The following AKAP3 variants were observed in gnomAD, a reference collection of about 807,000 sequenced individuals.
AKAP3 encodes the protein A-kinase anchor protein 3.
Under a neutral mutation model 57.2 loss-of-function variants are expected in AKAP3, and 27 were observed. That is an observed-to-expected ratio of 0.47 (90% confidence interval 0.35 to 0.65). The LOEUF is 0.65. AKAP3 is among the 30% of genes least tolerant of loss of function. AKAP3 has a pLI of 0.01. For synonymous variants in AKAP3, 334 were observed against 392.3 expected, an observed-to-expected ratio of 0.85 and a Z score of 1.76; for missense variants, 959 against 1,040.0, an observed-to-expected ratio of 0.92 and a Z score of 1.07.
At chr12:4,635,966 A>G in intron 4 of AKAP3, 1 of 1,172,586 alleles carries the variant, frequency 8.5e-7, no homozygotes, top group South Asian at 1.3e-5. Flanking sequence ...ATATTTCACA[A>G]AGAAACAGCT....
At chr12:4,640,939 A>G (rs1196618835) in intron 3 of AKAP3, among the ~76,000 whole-genome samples, 4 of 152,160 alleles carry the variant, frequency 2.6e-5, no homozygotes, top group African/African-American at 9.7e-5. Flanking sequence ...CACATCAAGA[A>G]TTGAGAATTC....
intron 5 of AKAP3, among the ~76,000 whole-genome samples, chr12:4,620,017 G>A (rs1945327416): frequency 6.6e-6 from 1 of 152,016 alleles, no homozygotes; most frequent in South Asian, 2.1e-4. Flanking sequence ...ATGAAAACTG[G>A]GAAATGTAAA....
rs780291996 is a variant in AKAP3, at chr12:4,615,816, T to C, written c.2485A>G (p.Lys829Glu). The change falls in exon 6 of 6, where the codon AAG becomes GAG. Residue 829 changes from lysine to glutamate, a missense_variant. Lys to Glu is a moderately conservative substitution (Grantham distance 56). Transcript: ENST00000228850. ...EVLQSVLRYE[K>E]ERQLNEAVGN... Reference sequence around the variant, plus strand: ...ACCGCCTCATTCAGCTGGCGCTCCTTCTCATAGCGCAGCACCGACTGCAGA... The same window carrying C: ...ACCGCCTCATTCAGCTGGCGCTCCTCCTCATAGCGCAGCACCGACTGCAGA... 61 of 1,614,074 alleles carry C rather than the reference T, an allele frequency of 3.8e-5. No homozygotes were observed. Among genetic ancestry groups the C allele is most frequent in the Non-Finnish European group, 3.3e-5 (39 of 1,180,020 alleles).
intron 1 of AKAP3, among the ~76,000 whole-genome samples, chr12:4,646,046 G>C (rs1223053286): frequency 1.3e-5 from 2 of 151,972 alleles, no homozygotes; most frequent in Admixed American, 6.6e-5. Context: ...ATTATTTTTA[G>C]GATATTTTGC....
intron 1 of AKAP3, among the ~76,000 whole-genome samples, chr12:4,646,242 T>C (rs1945696623): frequency 6.6e-6 from 1 of 152,154 alleles, no homozygotes; most frequent in Admixed American, 6.5e-5. Context: ...TCAGCTACTC[T>C]GTAATTAATG....
At position 4,636,859 on chromosome 12, in the gene AKAP3, C is replaced by T. The variant is rs143647299; in HGVS notation, c.96+1242G>A. Among the ~76,000 whole-genome samples, 200 of 152,264 alleles carry T rather than the reference C, an allele frequency of 1.3e-3. 1 individual carries two copies. The highest frequency in any genetic ancestry group is 4.6e-3 in the African/African-American group (192 of 41,536). On this transcript the variant is annotated intron_variant, in intron 4 of 5. Transcript: ENST00000228850. The stretch of plus-strand genomic sequence containing the variant: ...CAAACTCCTGGGCTCAAGTGATTCT[C>T]CTGCCTCAGCCTCTCAAGTTGCTGT...
rs1159788319 is a variant in AKAP3, at chr12:4,642,845, A to T, written c.-106-841T>A. ...TGGAGCTCAATAATTATCTGCTGGA[A>T]GAATGAATATGCACCACCTGCCCAT... On this transcript the variant is annotated intron_variant, in intron 2 of 5. Coordinates refer to ENST00000228850, the MANE Select transcript of AKAP3 (RefSeq NM_001278309.2). Among the ~76,000 whole-genome samples, 4 of 152,226 alleles carry T rather than the reference A, an allele frequency of 2.6e-5. No homozygotes were observed. The East Asian group carries it at 7.7e-4, about 29-fold the overall frequency.
At chr12:4,630,616 A>G (rs2299834) in intron 4 of AKAP3, among the ~76,000 whole-genome samples, 37,269 of 152,072 alleles carry the variant, frequency 0.25, 5,273 homozygotes, top group South Asian at 0.43. Context: ...ACTTTATGGG[A>G]TATTTTGTGC....
At chr12:4,644,047 C>T (rs908882155) in intron 2 of AKAP3, among the ~76,000 whole-genome samples, 4 of 152,130 alleles carry the variant, frequency 2.6e-5, no homozygotes, top group East Asian at 1.9e-4. Context: ...CCTGCTACAT[C>T]GTAGAAGCTC....
chr12:4,620,229 C>G (rs1319820396), intron 5 of AKAP3, among the ~76,000 whole-genome samples: 1 of 152,000 alleles, frequency 6.6e-6, no homozygotes, highest in African/African-American at 2.4e-5. Flanking sequence ...CGGTGGCTCA[C>G]GCCTGTAATC....
At chr12:4,618,122 A>G (rs1334480936) in intron 5 of AKAP3, among the ~76,000 whole-genome samples, 3 of 152,230 alleles carry the variant, frequency 2.0e-5, no homozygotes, top group Non-Finnish European at 4.4e-5. Flanking sequence ...AAAATGGTAA[A>G]CTTCAAACAT....
intron 5 of AKAP3, among the ~76,000 whole-genome samples, chr12:4,624,035 C>G (rs780663399): frequency 2.1e-4 from 32 of 152,022 alleles, no homozygotes; most frequent in South Asian, 4.1e-4. Context: ...CCTTGAAGTT[C>G]CTTTCCTAGG....
In AKAP3 at chr12:4,629,661, A is replaced by T. The variant is rs188129643; in HGVS notation, c.97-856T>A. Among the ~76,000 whole-genome samples, 31 of 152,364 alleles carry T rather than the reference A, an allele frequency of 2.0e-4. No homozygotes were observed. The East Asian group carries it at 5.4e-3, about 26-fold the overall frequency. On this transcript the variant is annotated intron_variant, in intron 4 of 5. Coordinates refer to ENST00000228850, the MANE Select transcript of AKAP3 (RefSeq NM_001278309.2). ...TTAAAAAACAGATCTGACAGTCATCAGCTAGATAGAAGAGTTAGCAGTTGA... is the reference window on the plus strand; with the variant it reads ...TTAAAAAACAGATCTGACAGTCATCTGCTAGATAGAAGAGTTAGCAGTTGA...
chr12:4,626,668 G>A lies in AKAP3; in HGVS notation c.2234C>T (p.Ser745Leu). The change falls in exon 5 of 6, where the codon TCA becomes TTA. Residue 745 changes from serine (S) to leucine (L), a missense_variant. By Grantham distance (145) the Ser-to-Leu change is moderately radical. Coordinates refer to ENST00000228850, the MANE Select transcript of AKAP3 (RefSeq NM_001278309.2). ...QAIHNEMRGT[S>L]GQPPEGCAAP... is the part of the protein sequence containing the mutation. ...TGCACACCCTTCAGGGGGCTGTCCTGATGTGCCTCTCATTTCATTATGGAT... is the reference window on the plus strand; with the variant it reads ...TGCACACCCTTCAGGGGGCTGTCCTAATGTGCCTCTCATTTCATTATGGAT... 1 of 1,614,218 alleles carries A rather than the reference G, an allele frequency of 6.2e-7. No individual in the cohort carries two copies. Among genetic ancestry groups the A allele is most frequent in the Non-Finnish European group, 8.5e-7 (1 of 1,180,038 alleles).
In AKAP3 at chr12:4,627,522, C is replaced by T; in HGVS notation, c.1380G>A (p.Leu460=). The stretch of plus-strand genomic sequence containing the variant: ...ATTCTTTCTGCTGAGTTTTATGCCA[C>T]AAGGTAAGCCCCTCTTTGATAATGT... ...GEHIIKEGLT[L]WHKTQQKECK... The change falls in exon 5 of 6, where the codon TTG becomes TTA. Residue 460 remains leucine, a synonymous_variant. Coordinates refer to ENST00000228850, the MANE Select transcript of AKAP3 (RefSeq NM_001278309.2). 6.2e-7 allele frequency: 1 copy of T among 1,614,176 alleles called. No individual in the cohort carries two copies. The highest frequency in any genetic ancestry group is 8.5e-7 in the Non-Finnish European group (1 of 1,180,012).
In AKAP3 at chr12:4,627,433, G is replaced by A. The variant is rs1297044520; in HGVS notation, c.1469C>T (p.Ser490Leu). 2 of 1,613,984 alleles carry A rather than the reference G, an allele frequency of 1.2e-6. No homozygotes were observed. The highest frequency in any genetic ancestry group is 1.7e-5 in the Admixed American group (1 of 59,998). The change falls in exon 5 of 6, where the codon TCA becomes TTA. Residue 490 changes from serine (S) to leucine (L), a missense_variant. By Grantham distance (145) the Ser-to-Leu change is moderately radical. Transcript: ENST00000228850. Reference sequence around the variant, plus strand: ...TTCAGGGTACTCAAAGGAAATGTCTGATGCAGGCTTACGCTGTGTGTTGGG... The same window carrying A: ...TTCAGGGTACTCAAAGGAAATGTCTAATGCAGGCTTACGCTGTGTGTTGGG... Reference protein sequence around the residue: ...EAPNTQRKPASDISFEYPEDI... With the variant: ...EAPNTQRKPALDISFEYPEDI...
chr12:4,617,599 G>A (rs887043840), intron 5 of AKAP3, among the ~76,000 whole-genome samples: 4 of 151,956 alleles, frequency 2.6e-5, no homozygotes, highest in Non-Finnish European at 5.9e-5. Context: ...CTAAAAATAC[G>A]AAAATAACTG....
Position 4,628,435 on chromosome 12 carries a change from T to C in AKAP3, c.467A>G (p.Tyr156Cys), listed in dbSNP as rs61737390. ...TTCATTCCCCATGTACAATGACTGA[T>C]AGACACATTTGTTTTCAGAGCCATC... ...KIDGSENKCV[Y>C]QSLYMGNEPT... The change falls in exon 5 of 6, where the codon TAT becomes TGT. Residue 156 changes from tyrosine to cysteine, a missense_variant. Coordinates refer to ENST00000228850, the MANE Select transcript of AKAP3 (RefSeq NM_001278309.2). 1.9e-6 allele frequency: 3 copies of C among 1,614,074 alleles called. No homozygotes were observed. Among genetic ancestry groups the C allele is most frequent in the African/African-American group, 1.3e-5 (1 of 74,922 alleles).
intron 5 of AKAP3, among the ~76,000 whole-genome samples, chr12:4,623,363 C>T (rs1251276078): frequency 6.6e-6 from 1 of 152,152 alleles, no homozygotes; most frequent in Non-Finnish European, 1.5e-5. Context: ...AACCTAAGTG[C>T]CCATCAATGG....
Sources: gnomAD v4.1 joint callset for allele counts (sites outside exome capture counted in the v4.1 genomes callset) on GRCh38, gnomAD v4.1.1 for gene constraint, MANE v1.5 for transcripts, NCBI Gene and HGNC (gene_info 2026-07-23, HGNC 2026-07-21) for gene names.